The following EPG5 variants were observed in gnomAD, a reference collection of about 807,000 sequenced individuals.
EPG5 encodes ectopic P granules protein 5 homolog.
Under a neutral mutation model 302.7 loss-of-function variants are expected in EPG5, and 159 were observed. The ratio of observed to expected loss-of-function variants is 0.53; its 90% CI spans 0.46 to 0.60. The LOEUF is 0.60. Ranked by LOEUF, EPG5 falls within the 20% of genes least tolerant of loss-of-function variation. The pLI, the probability that EPG5 is intolerant of heterozygous loss-of-function variation, is 0.00. For missense variants in EPG5, 2,896 were observed against 3,092.4 expected (o/e 0.94, Z 1.51); for synonymous variants, 1,158 against 1,136.8 (o/e 1.02, Z -0.37).
At chr18:45,825,737 G>C in the EPG5 span, 1 of 1,614,248 alleles carries the variant, frequency 6.2e-7, no homozygotes, top group Non-Finnish European at 8.5e-7. Flanking sequence ...GCATGGAAAA[G>C]TCCATCTGGC....
chr18:45,824,352 A>G, the EPG5 span, among the ~76,000 whole-genome samples: 13 of 152,066 alleles, frequency 8.5e-5, no homozygotes, highest in South Asian at 2.1e-4. Context: ...GACTACAGGC[A>G]CCCACCACCA....
Position 45,952,588 on chromosome 18 carries a change from T to G in EPG5, c.1064A>C (p.Glu355Ala). Residue 355 changes from glutamate (E) to alanine (A), a missense_variant, in exon 3 of 44, where the codon GAA (glutamate) becomes GCA (alanine). Around this residue, in one of 5 missense-constraint regions of EPG5, gnomAD observed 1,390 missense variants for 1,430.0 expected, o/e 0.97. Coordinates refer to ENST00000282041, the MANE Select transcript of EPG5 (RefSeq NM_020964.3). ...CTCCACCAGTGCATTTTCATTCATT[T>G]CTACTCTTTGGTAGCGATGATAGCT... The part of the protein sequence containing the change: ...VFSYHRYQRV[E>A]MNENALVELK... 6.2e-7 allele frequency: 1 copy of G among 1,614,180 alleles called. No homozygotes were observed. Among genetic ancestry groups the G allele is most frequent in the Non-Finnish European group, 8.5e-7 (1 of 1,180,030 alleles).
At chr18:45,923,473 G>A in intron 14 of EPG5, 86 bp from the exon 15 acceptor site, 1 of 1,388,740 alleles carries the variant, frequency 7.2e-7, no homozygotes, top group Non-Finnish European at 9.8e-7. Context: ...AGGCAGAATA[G>A]TAACAAAGGA....
intron 1 of EPG5, among the ~76,000 whole-genome samples, chr18:45,956,899 T>TA (rs35922430): frequency 0.3 from 44,723 of 151,320 alleles, 9,186 homozygotes; most frequent in African/African-American, 0.57. Flanking sequence ...AGCTGTTCAC[T>TA]AAAAAATAAG....
rs1568115481 is a variant in EPG5, at chr18:45,879,184, AG to A, written c.5697del (p.Tyr1902IlefsTer26). 1 of 1,613,706 alleles carries A rather than the reference AG, an allele frequency of 6.2e-7. No individual in the cohort carries two copies. ...TTGGATAACCGAAGCTTATAAAAAAAGTCTGAAAGCCACTGTATAGTCTCCA... is the reference window on the plus strand; with the variant it reads ...TTGGATAACCGAAGCTTATAAAAAAATCTGAAAGCCACTGTATAGTCTCCA... ...QVMETIQWLS[D>X]FFYKLRLSKM... On this transcript the variant is annotated frameshift_variant, in exon 33 of 44. Transcript: ENST00000282041. LOFTEE classifies it high-confidence loss of function.
In EPG5 at chr18:45,921,526, TC is replaced by T. The variant is rs79137463; in HGVS notation, c.3098+814del. ...AATGGTAACACAAGACAAATGCCAT[TC>T]CTGGGCACTTCTCTCATAGAAGTTA... is the stretch of plus-strand genomic sequence containing the variant. On this transcript the variant is annotated intron_variant, in intron 16 of 43. Coordinates refer to ENST00000282041, the MANE Select transcript of EPG5 (RefSeq NM_020964.3). Among the ~76,000 whole-genome samples, 22 of 152,304 alleles carry T rather than the reference TC, an allele frequency of 1.4e-4. No individual in the cohort carries two copies. The East Asian group carries it at 4.1e-3, about 28-fold the overall frequency.
intron 10 of EPG5, among the ~76,000 whole-genome samples, chr18:45,938,047 A>G (rs1487835329): frequency 6.6e-6 from 1 of 152,174 alleles, no homozygotes; most frequent in Admixed American, 6.5e-5. Flanking sequence ...GACTCCTCCC[A>G]TGCACCAGGC....
chr18:45,821,427 G>T, the EPG5 span, among the ~76,000 whole-genome samples: 2 of 152,114 alleles, frequency 1.3e-5, no homozygotes, highest in South Asian at 2.1e-4. Context: ...TTATCACAAG[G>T]TGCCTAAGAC....
At chr18:45,954,346 A>G (rs574384241) in intron 2 of EPG5, 48 bp downstream of exon 2, 1 of 1,515,206 alleles carries the variant, frequency 6.6e-7, no homozygotes, top group African/African-American at 1.4e-5. Context: ...ACAACATCCC[A>G]GGAATAGCAG....
the EPG5 span, among the ~76,000 whole-genome samples, chr18:45,834,047 T>C: frequency 6.6e-6 from 1 of 152,212 alleles, no homozygotes; most frequent in African/African-American, 2.4e-5. Context: ...TCTATGCTGA[T>C]TGATGTCCAC....
At chr18:45,953,928 A>G in intron 2 of EPG5, 1 of 985,314 alleles carries the variant, frequency 1.0e-6, no homozygotes. Flanking sequence ...GGATGTTGGT[A>G]GCATTATGCC....
At chr18:45,962,862 A>T (rs918925826) in intron 1 of EPG5, among the ~76,000 whole-genome samples, 6 of 152,026 alleles carry the variant, frequency 3.9e-5, no homozygotes, top group African/African-American at 4.8e-5. Flanking sequence ...AATTGACTCT[A>T]AAAAAAATTA....
chr18:45,804,706 C>A, the EPG5 span, among the ~76,000 whole-genome samples: 1 of 152,006 alleles, frequency 6.6e-6, no homozygotes, highest in African/African-American at 2.4e-5. Context: ...CACTAGCAGA[C>A]CTTTATTATA....
intron 27 of EPG5, among the ~76,000 whole-genome samples, chr18:45,897,924 T>G (rs2049516445): frequency 6.6e-6 from 1 of 152,154 alleles, no homozygotes; most frequent in Admixed American, 6.5e-5. Flanking sequence ...ATAAATTTTC[T>G]CCAATTTCCA....
At chr18:45,935,728 C>T (rs759201128) in intron 10 of EPG5, among the ~76,000 whole-genome samples, 1 of 152,108 alleles carries the variant, frequency 6.6e-6, no homozygotes, top group East Asian at 1.9e-4. Flanking sequence ...GGAGGAAAAT[C>T]GAAATCCATC....
chr18:45,891,328 G>A (rs1156433251), intron 27 of EPG5, among the ~76,000 whole-genome samples: 11 of 151,794 alleles, frequency 7.2e-5, no homozygotes, highest in East Asian at 1.9e-4. Context: ...GTGAAACCCC[G>A]TCTCTACTAA....
At chr18:45,900,295 G>T (rs907697690) in intron 26 of EPG5, among the ~76,000 whole-genome samples, 1 of 151,770 alleles carries the variant, frequency 6.6e-6, no homozygotes, top group African/African-American at 2.4e-5. Flanking sequence ...CCAGCTACTC[G>T]GGAGGCTGAG....
downstream of EPG5, among the ~76,000 whole-genome samples, chr18:45,845,081 T>G (rs1371653130): frequency 6.6e-6 from 1 of 152,240 alleles, no homozygotes; most frequent in Non-Finnish European, 1.5e-5. Flanking sequence ...CAGGAAGCAG[T>G]TGACTCCAGG....
In EPG5 at chr18:45,910,641, A is replaced by G; in HGVS notation, c.4085T>C (p.Phe1362Ser). 6.2e-7 allele frequency: 1 copy of G among 1,614,176 alleles called. No individual in the cohort carries two copies. Among genetic ancestry groups the G allele is most frequent in the South Asian group, 1.1e-5 (1 of 91,078 alleles). Reference protein sequence around the residue: ...MKRRLTEVADFHHAASKALRV... With the variant: ...MKRRLTEVADSHHAASKALRV... ...GAGGGCCTTGCTTGCAGCATGGTGG[A>G]AGTCAGCCACCTCGGTCAAACGTCT... The change falls in exon 23 of 44, where the codon TTC becomes TCC. Residue 1362 changes from phenylalanine (F) to serine (S), a missense_variant. Phe to Ser is a radical substitution (Grantham distance 155). Transcript: ENST00000282041.
Sources: gnomAD v4.1 joint callset for allele counts (sites outside exome capture counted in the v4.1 genomes callset) on GRCh38, gnomAD v4.1.1 for gene constraint, gnomAD v4.1.1 regional missense constraint, MANE v1.5 for transcripts, NCBI Gene and HGNC (gene_info 2026-07-23, HGNC 2026-07-21) for gene names.